DEF6: variants seen among roughly 807,000 people sequenced by gnomAD.
DEF6 encodes DEF6 guanine nucleotide exchange factor.
In DEF6, 32 loss-of-function variants were observed where a neutral mutation model predicts 80.5. The observed-to-expected ratio is 0.40, with a 90% CI of 0.30 to 0.53. The LOEUF (loss-of-function observed/expected upper bound fraction) is 0.53. Among genes scored for constraint, DEF6 ranks in the 20% least tolerant of loss-of-function variants. The probability of loss-of-function intolerance (pLI) is 0.57; values close to 1 mark genes in which losing one functional copy is unlikely to be tolerated. For missense variants in DEF6, 575 were observed against 818.7 expected, an observed-to-expected ratio of 0.70 and a Z score of 3.63; for synonymous variants, 300 against 337.9, an observed-to-expected ratio of 0.89 and a Z score of 1.23.
intron 3 of DEF6, 86 bp downstream of exon 3, chr6:35,310,730 C>T: frequency 1.5e-6 from 2 of 1,349,166 alleles, no homozygotes; most frequent in Non-Finnish European, 2.1e-6. Context: ...ACCTTTGGTG[C>T]CTTCCCATAT....
chr6:35,307,541 G>A lies in DEF6; in HGVS notation c.97-2129G>A, dbSNP rs567103930. ...TTGAGGTGGTCACCCTGGGTTTTAA[G>A]TGCTAGGCATTGAGCCAGTGGCACC... On this transcript the variant is annotated intron_variant, in intron 1 of 10. Coordinates refer to ENST00000316637, the MANE Select transcript of DEF6 (RefSeq NM_022047.4). Among the ~76,000 whole-genome samples, 5 of 152,374 alleles carry A rather than the reference G, an allele frequency of 3.3e-5. No homozygotes were observed. The East Asian group carries it at 9.6e-4, about 29-fold the overall frequency.
At chr6:35,299,044 C>T (rs1791279171) in intron 1 of DEF6, among the ~76,000 whole-genome samples, 1 of 152,114 alleles carries the variant, frequency 6.6e-6, no homozygotes, top group Non-Finnish European at 1.5e-5. Flanking sequence ...TTCCAACCCC[C>T]TACTTTACTG....
Position 35,312,331 on chromosome 6 carries a change from C to G in DEF6, c.453C>G (p.Ser151Arg). The G allele has an allele frequency of 6.2e-7, 1 of 1,614,142 alleles. No individual in the cohort carries two copies. Among genetic ancestry groups the G allele is most frequent in the South Asian group, 1.1e-5 (1 of 91,082 alleles). Residue 151 changes from serine (S) to arginine (R), a missense_variant, in exon 4 of 11, where the codon AGC becomes AGG. Ser to Arg is a moderately radical substitution (Grantham distance 110). Coordinates refer to ENST00000316637, the MANE Select transcript of DEF6 (RefSeq NM_022047.4). The surrounding 1 kb of genome is among the most constrained non-coding windows in gnomAD (Gnocchi z 6.6). ...AATACCTGCTGAAAAAGGTACTCAGCAGCATGAGCTTGGAGGTGAGCTTGG... is the reference window on the plus strand; with the variant it reads ...AATACCTGCTGAAAAAGGTACTCAGGAGCATGAGCTTGGAGGTGAGCTTGG... ...EVEYLLKKVL[S>R]SMSLEVSLGE...
intron 1 of DEF6, among the ~76,000 whole-genome samples, chr6:35,304,762 A>C (rs1267278669): frequency 6.6e-6 from 1 of 152,110 alleles, no homozygotes; most frequent in African/African-American, 2.4e-5. Flanking sequence ...GCCCTCAAGG[A>C]ATGTAGAACA....
chr6:35,299,870 G>A (rs2150384198), intron 1 of DEF6, among the ~76,000 whole-genome samples: 1 of 152,268 alleles, frequency 6.6e-6, no homozygotes, highest in African/African-American at 2.4e-5. Context: ...TAGTGATAGT[G>A]TTGGGGGGCG....
intron 1 of DEF6, among the ~76,000 whole-genome samples, chr6:35,309,463 T>A (rs772418045): frequency 3.3e-5 from 5 of 152,208 alleles, no homozygotes; most frequent in African/African-American, 4.8e-5. Context: ...GAGTAGTTGT[T>A]ATGGTGGTTA....
intron 5 of DEF6, among the ~76,000 whole-genome samples, chr6:35,314,094 C>A (rs1362436940): frequency 6.6e-6 from 1 of 152,174 alleles, no homozygotes; most frequent in African/African-American, 2.4e-5. Context: ...TCCACGTCTT[C>A]TCCAGCATCT....
chr6:35,305,045 AG>A (rs779759604), intron 1 of DEF6, among the ~76,000 whole-genome samples: 103 of 145,618 alleles, frequency 7.1e-4, no homozygotes, highest in South Asian at 6.8e-4. Context: ...TGAGCCCAGG[AG>A]GGCTCTTCCT....
chr6:35,309,798 C>T lies in DEF6; in HGVS notation c.225C>T (p.Tyr75=), dbSNP rs770078960. 4 of 1,613,996 alleles carry T rather than the reference C, an allele frequency of 2.5e-6. No homozygotes were observed. The South Asian group carries it at 3.3e-5, about 13-fold the overall frequency. Residue 75 remains tyrosine, a synonymous_variant, in exon 2 of 11, where the codon TAC becomes TAT. Coordinates refer to ENST00000316637, the MANE Select transcript of DEF6 (RefSeq NM_022047.4). ...SQGYMPYLNK[Y]ILDKVEEGAF... Reference sequence around the variant, plus strand: ...GATACATGCCCTACCTCAACAAGTACATCCTGGACAAGGTGGGGCCCAGCT... The same window carrying T: ...GATACATGCCCTACCTCAACAAGTATATCCTGGACAAGGTGGGGCCCAGCT...
chr6:35,304,159 A>G (rs112698914), intron 1 of DEF6, among the ~76,000 whole-genome samples: 1,984 of 152,194 alleles, frequency 0.013, 14 homozygotes, highest in African/African-American at 0.023. Context: ...ACACACACAT[A>G]TACACACAAA....
In DEF6 at chr6:35,310,688, G is replaced by C. The variant is rs140819793; in HGVS notation, c.423+44G>C. 39 of 1,608,528 alleles carry C rather than the reference G, an allele frequency of 2.4e-5. No individual in the cohort carries two copies. The East Asian group carries it at 8.3e-4, about 34-fold the overall frequency. On this transcript the variant is annotated intron_variant, in intron 3 of 10. Coordinates refer to ENST00000316637, the MANE Select transcript of DEF6 (RefSeq NM_022047.4). ...CCAGGGACTGAATCACTTGGGACCA[G>C]ACCTAAGCAAAACCATGAATGAGAC...
At chr6:35,321,149 A>G in intron 10 of DEF6, 38 bp from the exon 11 acceptor site, 2 of 1,604,166 alleles carry the variant, frequency 1.2e-6, no homozygotes, top group Non-Finnish European at 8.5e-7. Context: ...TCACCTTTGC[A>G]TGCCTTTCTC....
At chr6:35,299,119 G>T (rs559768490) in intron 1 of DEF6, among the ~76,000 whole-genome samples, 1 of 152,260 alleles carries the variant, frequency 6.6e-6, no homozygotes, top group South Asian at 2.1e-4. Flanking sequence ...ACCTGGATTT[G>T]TGAGCATCTA....
chr6:35,316,421 C>G (rs1030489112), intron 5 of DEF6, among the ~76,000 whole-genome samples: 5 of 152,138 alleles, frequency 3.3e-5, no homozygotes, highest in African/African-American at 1.2e-4. Flanking sequence ...TTGCTCTGGC[C>G]AGAACTCCCA....
chr6:35,307,733 G>A (rs1332941457), intron 1 of DEF6, among the ~76,000 whole-genome samples: 1 of 152,166 alleles, frequency 6.6e-6, no homozygotes, highest in African/African-American at 2.4e-5. Context: ...GGGAAAAAAA[G>A]GAAATACTCC....
In DEF6 at chr6:35,318,587, C is replaced by T; in HGVS notation, c.1215+116C>T. ...CGGAGCTCCTGGGTTGAGGGGCGTG[C>T]ACTGGGGTGGAGCTTGAAATGAGGG... On this transcript the variant is annotated intron_variant, in intron 7 of 10. Coordinates refer to ENST00000316637, the MANE Select transcript of DEF6 (RefSeq NM_022047.4). The surrounding 1 kb of genome is among the most constrained non-coding windows in gnomAD (Gnocchi z 5.1). 9.8e-7 allele frequency: 1 copy of T among 1,015,984 alleles called. No homozygotes were observed. The highest frequency in any genetic ancestry group is 1.3e-6 in the Non-Finnish European group (1 of 767,754). 62.9% of individuals were successfully genotyped at this position (1,015,984 alleles called of 1,614,324 possible).
intron 3 of DEF6, among the ~76,000 whole-genome samples, chr6:35,311,554 G>A (rs753526079): frequency 3.3e-5 from 5 of 152,204 alleles, no homozygotes; most frequent in Admixed American, 6.5e-5. Context: ...TGAGGGACAT[G>A]TGTCCATCTG....
intron 1 of DEF6, among the ~76,000 whole-genome samples, 196 bp downstream of exon 1, chr6:35,298,148 C>T (rs1318321920): frequency 2.0e-5 from 3 of 152,174 alleles, no homozygotes; most frequent in African/African-American, 7.2e-5. Flanking sequence ...CCTCCAGAGA[C>T]CTAGTGAAGT....
chr6:35,302,372 C>A (rs1206959314), intron 1 of DEF6, among the ~76,000 whole-genome samples: 1 of 151,792 alleles, frequency 6.6e-6, no homozygotes, highest in Non-Finnish European at 1.5e-5. Flanking sequence ...AAAAAAAAGT[C>A]AATTTAGGAG....
Sources: allele counts gnomAD v4.1 joint callset (sites outside exome capture counted in the v4.1 genomes callset), GRCh38; gene constraint gnomAD v4.1.1; non-coding constraint Gnocchi (gnomAD v3.1); transcripts MANE v1.5; gene names NCBI Gene and HGNC (gene_info 2026-07-23, HGNC 2026-07-21).